Variants in NBEA observed in about 807,000 individuals in gnomAD.
The protein encoded by NBEA is neurobeachin, also known as lysosomal-trafficking regulator 2.
A neutral mutation model predicts 343.4 loss-of-function variants in NBEA; 44 were observed. The observed-to-expected ratio is 0.13, with a 90% CI of 0.10 to 0.16. NBEA has a LOEUF of 0.16. Among genes scored for constraint, NBEA ranks in the 10% least tolerant of loss-of-function variants. The pLI is 1.00. For synonymous variants in NBEA, 1,175 were observed against 1,238.7 expected (o/e 0.95, Z 1.08); for missense variants, 2,555 against 3,631.3 (o/e 0.70, Z 7.62).
intron 38 of NBEA, among the ~76,000 whole-genome samples, chr13:35,367,878 A>G (rs1440118772): frequency 6.6e-6 from 1 of 151,556 alleles, no homozygotes; most frequent in East Asian, 1.9e-4. Flanking sequence ...TTTAATACAC[A>G]TTACTAAGCA....
intron 30 of NBEA, among the ~76,000 whole-genome samples, chr13:35,192,940 A>G (rs1039717330): frequency 6.6e-6 from 1 of 151,976 alleles, no homozygotes. Flanking sequence ...ATGGAAAGTC[A>G]AAACACTAGA....
chr13:35,234,626 A>T (rs1256486291), intron 34 of NBEA, among the ~76,000 whole-genome samples: 2 of 152,206 alleles, frequency 1.3e-5, no homozygotes, highest in Non-Finnish European at 2.9e-5. Flanking sequence ...TAACTGGGTC[A>T]GTGAGGTAGT....
At chr13:35,347,914 G>A (rs1294421902) in intron 36 of NBEA, among the ~76,000 whole-genome samples, 1 of 152,010 alleles carries the variant, frequency 6.6e-6, no homozygotes, top group Non-Finnish European at 1.5e-5. Context: ...TGTGCTCCAT[G>A]TGATGTGGGC....
chr13:35,352,799 G>A (rs1449568873), intron 38 of NBEA, among the ~76,000 whole-genome samples: 5 of 151,792 alleles, frequency 3.3e-5, no homozygotes, highest in African/African-American at 1.2e-4. Flanking sequence ...TCTTACCAAG[G>A]GAAGATTTTC....
At chr13:35,202,180 C>T (rs1259235655) in intron 31 of NBEA, among the ~76,000 whole-genome samples, 1 of 152,000 alleles carries the variant, frequency 6.6e-6, no homozygotes, top group African/African-American at 2.4e-5. Flanking sequence ...TCTATTGATC[C>T]TTTTCATTTC....
chr13:35,666,410 TA>T (rs75335884), intron 56 of NBEA, among the ~76,000 whole-genome samples: 10,998 of 125,502 alleles, frequency 0.088, 423 homozygotes, highest in South Asian at 0.15. Context: ...CCTGTGAAGT[TA>T]AAAAAAAAAA....
chr13:35,222,825 A>G (rs940285080), intron 33 of NBEA, among the ~76,000 whole-genome samples: 1 of 152,168 alleles, frequency 6.6e-6, no homozygotes, highest in Non-Finnish European at 1.5e-5. Flanking sequence ...TTACTTTTAT[A>G]TATCTTAACG....
chr13:35,295,864 A>G (rs1328114214), intron 35 of NBEA, among the ~76,000 whole-genome samples: 1 of 152,134 alleles, frequency 6.6e-6, no homozygotes, highest in Non-Finnish European at 1.5e-5. Flanking sequence ...TAGTTCTATG[A>G]GATATTTTAT....
Position 35,311,227 on chromosome 13 carries a change from C to G in NBEA, c.5903+1635C>G, listed in dbSNP as rs1292293100. Among the ~76,000 whole-genome samples the G allele has an allele frequency of 2.0e-5, 3 of 152,096 alleles. No individual in the cohort carries two copies. The East Asian group carries it at 5.8e-4, about 29-fold the overall frequency. ...TCAGGTGATGAATAAACAGAAAAAACTATTTGCTAAGGCTAATCATTGTCA... is the reference window on the plus strand; with the variant it reads ...TCAGGTGATGAATAAACAGAAAAAAGTATTTGCTAAGGCTAATCATTGTCA... On this transcript the variant is annotated intron_variant, in intron 36 of 58. Coordinates refer to ENST00000379939, the MANE Select transcript of NBEA (RefSeq NM_001385012.1).
intron 20 of NBEA, 100 bp from the exon 21 acceptor site, chr13:35,156,971 ACTGAGGT>A (rs2069216545): frequency 1.1e-6 from 1 of 886,670 alleles, no homozygotes; most frequent in East Asian, 2.8e-5. Context: ...ACCTTGCTTT[ACTGAGGT>A]CAGATCATAT....
chr13:35,635,615 C>G (rs779681545), intron 49 of NBEA, among the ~76,000 whole-genome samples: 1 of 152,040 alleles, frequency 6.6e-6, no homozygotes, highest in Non-Finnish European at 1.5e-5. Context: ...TGAAAAATAC[C>G]ATGATTCCTA....
chr13:35,098,608 A>T (rs1158161251), intron 11 of NBEA, among the ~76,000 whole-genome samples: 1 of 152,190 alleles, frequency 6.6e-6, no homozygotes, highest in Non-Finnish European at 1.5e-5. Context: ...TGAATAAAAA[A>T]ATCTAAATAA....
chr13:35,311,082 C>T (rs1441467101), intron 36 of NBEA, among the ~76,000 whole-genome samples: 2 of 152,012 alleles, frequency 1.3e-5, no homozygotes, highest in African/African-American at 4.8e-5. Flanking sequence ...ACTGCAACAC[C>T]AAAGTTGCAG....
intron 33 of NBEA, among the ~76,000 whole-genome samples, chr13:35,212,876 T>C (rs139694103): frequency 0.03 from 4,526 of 152,064 alleles, 102 homozygotes; most frequent in Non-Finnish European, 0.045. Context: ...ATTGTGGGCT[T>C]TTTTTTGTCT....
At chr13:35,520,901 C>T (rs1310836635) in intron 41 of NBEA, among the ~76,000 whole-genome samples, 1 of 151,984 alleles carries the variant, frequency 6.6e-6, no homozygotes, top group Non-Finnish European at 1.5e-5. Flanking sequence ...TTTTTTCGGA[C>T]ATATCTTTAC....
intron 36 of NBEA, among the ~76,000 whole-genome samples, chr13:35,347,168 G>A (rs1264376429): frequency 6.6e-6 from 1 of 151,980 alleles, no homozygotes; most frequent in Non-Finnish European, 1.5e-5. Flanking sequence ...TTATGTATCA[G>A]TAAAGAAGAA....
intron 38 of NBEA, among the ~76,000 whole-genome samples, chr13:35,384,769 A>G (rs1233505783): frequency 2.0e-5 from 3 of 151,928 alleles, no homozygotes; most frequent in Non-Finnish European, 4.4e-5. Context: ...CTGGTGATCC[A>G]CCCACCTCGG....
chr13:35,237,357 G>C (rs1456829554), intron 34 of NBEA, among the ~76,000 whole-genome samples: 1 of 152,104 alleles, frequency 6.6e-6, no homozygotes, highest in Non-Finnish European at 1.5e-5. Flanking sequence ...ACTCATCCAA[G>C]GTCCATACTT....
chr13:35,109,177 C>G (rs1393547463), intron 11 of NBEA, 113 bp from the exon 12 acceptor site: 2 of 886,878 alleles, frequency 2.3e-6, no homozygotes, highest in Non-Finnish European at 3.2e-6. Flanking sequence ...ATGTTTATTT[C>G]ATATTTATTA....
Sources: allele counts gnomAD v4.1 joint callset (sites outside exome capture counted in the v4.1 genomes callset), GRCh38; gene constraint gnomAD v4.1.1; transcripts MANE v1.5; gene names NCBI Gene and HGNC (gene_info 2026-07-23, HGNC 2026-07-21).